The following EPAS1 variants were observed in gnomAD, a reference collection of about 807,000 sequenced individuals.
EPAS1 encodes endothelial PAS domain protein 1.
Under a neutral mutation model 87.9 loss-of-function variants are expected in EPAS1, and 23 were observed. That is an observed-to-expected ratio of 0.26 (90% confidence interval 0.19 to 0.37). EPAS1 has a LOEUF of 0.37. Ranked by LOEUF, EPAS1 falls within the 10% of genes least tolerant of loss-of-function variation. The pLI is 1.00. For missense variants in EPAS1, 1,138 were observed against 1,120.7 expected (o/e 1.02, Z -0.22); for synonymous variants, 508 against 444.3 (o/e 1.14, Z -1.80).
intron 1 of EPAS1, among the ~76,000 whole-genome samples, chr2:46,332,746 G>T (rs1248393789): frequency 6.8e-6 from 1 of 147,292 alleles, no homozygotes; most frequent in Non-Finnish European, 1.5e-5. Context: ...TCACCAGAAG[G>T]GTGGAACCCT....
chr2:46,303,645 C>T (rs868598460), intron 1 of EPAS1, among the ~76,000 whole-genome samples: 13 of 152,222 alleles, frequency 8.5e-5, no homozygotes, highest in Middle Eastern at 3.4e-3. Flanking sequence ...CAGAGGCTGG[C>T]GTGTAAATCT....
chr2:46,336,332 G>A (rs548485684), intron 1 of EPAS1, among the ~76,000 whole-genome samples: 5 of 152,094 alleles, frequency 3.3e-5, no homozygotes, highest in East Asian at 1.9e-4. Context: ...GGAGTAGAAC[G>A]TTTGCATAGA....
At chr2:46,318,908 T>C (rs961622236) in intron 1 of EPAS1, among the ~76,000 whole-genome samples, 1 of 152,256 alleles carries the variant, frequency 6.6e-6, no homozygotes, top group East Asian at 1.9e-4. Flanking sequence ...TACAAAGATT[T>C]AATACATAGT....
intron 1 of EPAS1, among the ~76,000 whole-genome samples, chr2:46,340,526 A>T (rs1463727269): frequency 6.6e-6 from 1 of 152,092 alleles, no homozygotes; most frequent in African/African-American, 2.4e-5. Context: ...CCCCTCTTGT[A>T]GACTTTTGAT....
intron 12 of EPAS1, 113 bp from the exon 13 acceptor site, chr2:46,381,483 T>C: frequency 6.4e-7 from 1 of 1,566,802 alleles, no homozygotes. Flanking sequence ...CTTTTGGGTC[T>C]TTGAGTCATC....
chr2:46,380,406 C>T lies in EPAS1; in HGVS notation c.1734C>T (p.Ala578=), dbSNP rs1558611960. The T allele has an allele frequency of 1.9e-6, 3 of 1,614,176 alleles. No homozygotes were observed. The highest frequency in any genetic ancestry group is 1.7e-5 in the Admixed American group (1 of 60,026). The change falls in exon 12 of 16, where the codon GCC becomes GCT. Residue 578 remains alanine, a synonymous_variant. Coordinates refer to ENST00000263734, the MANE Select transcript of EPAS1 (RefSeq NM_001430.5). The surrounding 1 kb of genome is among the most constrained non-coding windows in gnomAD (Gnocchi z 4.4). Reference sequence around the variant, plus strand: ...TCTTCCAGCCACTGGCCCCTGTAGCCCCGCACAGTCCCTTCCTCCTGGACA... The same window carrying T: ...TCTTCCAGCCACTGGCCCCTGTAGCTCCGCACAGTCCCTTCCTCCTGGACA... ...TNIFQPLAPV[A]PHSPFLLDKF...
At chr2:46,372,160 C>A (rs1315461953) in intron 7 of EPAS1, among the ~76,000 whole-genome samples, 2 of 152,196 alleles carry the variant, frequency 1.3e-5, no homozygotes, top group Non-Finnish European at 2.9e-5. Flanking sequence ...CTCTCTCTCC[C>A]CTTGATGGAG....
At chr2:46,310,136 G>C (rs1261019138) in intron 1 of EPAS1, among the ~76,000 whole-genome samples, 1 of 152,146 alleles carries the variant, frequency 6.6e-6, no homozygotes, top group Non-Finnish European at 1.5e-5. Flanking sequence ...GCATGGAGTG[G>C]GAGCTGGAAG....
intron 1 of EPAS1, among the ~76,000 whole-genome samples, chr2:46,327,474 A>T (rs1311102006): frequency 6.6e-6 from 1 of 152,198 alleles, no homozygotes; most frequent in Non-Finnish European, 1.5e-5. Flanking sequence ...AACCACAGAG[A>T]CTTTAGACAG....
At chr2:46,335,129 T>G (rs1280031856) in intron 1 of EPAS1, among the ~76,000 whole-genome samples, 1 of 152,172 alleles carries the variant, frequency 6.6e-6, no homozygotes, top group Non-Finnish European at 1.5e-5. Context: ...AGGGATCCCG[T>G]GCTTTCTCCC....
chr2:46,368,030 A>G (rs1022421981), intron 6 of EPAS1, among the ~76,000 whole-genome samples: 2 of 152,220 alleles, frequency 1.3e-5, no homozygotes, highest in African/African-American at 2.4e-5. Flanking sequence ...GTCTGTTTGT[A>G]CCGTAGGTTC....
At chr2:46,351,043 C>T (rs1447875469) in intron 2 of EPAS1, among the ~76,000 whole-genome samples, 1 of 152,180 alleles carries the variant, frequency 6.6e-6, no homozygotes, top group Non-Finnish European at 1.5e-5. Flanking sequence ...TACCCTCTCA[C>T]ACCCCACTTT....
intron 7 of EPAS1, among the ~76,000 whole-genome samples, chr2:46,372,445 T>A (rs576182825): frequency 6.6e-6 from 1 of 152,342 alleles, no homozygotes; most frequent in African/African-American, 2.4e-5. Flanking sequence ...CACACATGTA[T>A]GTCTTAGCCT....
At chr2:46,308,463 G>A (rs146424642) in intron 1 of EPAS1, among the ~76,000 whole-genome samples, 5 of 142,534 alleles carry the variant, frequency 3.5e-5, no homozygotes, top group Non-Finnish European at 7.7e-5. Flanking sequence ...TTTTTTTTGG[G>A]GGGGGGGGCT....
rs1215671249 is a variant in EPAS1 at position 46,382,014 on chromosome 2, A to C, written c.2212A>C (p.Lys738Gln). 1 of 1,611,080 alleles carries C rather than the reference A, an allele frequency of 6.2e-7. No homozygotes were observed. Among genetic ancestry groups the C allele is most frequent in the Non-Finnish European group, 8.5e-7 (1 of 1,178,722 alleles). The change falls in exon 14 of 16, where the codon AAA becomes CAA. Residue 738 changes from lysine to glutamine, a missense_variant. Coordinates refer to ENST00000263734, the MANE Select transcript of EPAS1 (RefSeq NM_001430.5). ...PGGSTSHLMW[K>Q]RMKNLRGGSC... ...TGGCAGCACCTCACATTTGATGTGG[A>C]AACGGATGAAGAACCTCAGGGGTGG... is the stretch of plus-strand genomic sequence containing the variant.
In EPAS1 at chr2:46,356,772, C is replaced by T. The variant is rs1285034250; in HGVS notation, c.418C>T (p.His140Tyr). ...SIFDFTHPCD[H>Y]EEIRENLSLK... Reference sequence around the variant, plus strand: ...CTTTGACTTCACTCATCCCTGCGACCATGAGGAGATTCGTGAGAACCTGAG... The same window carrying T: ...CTTTGACTTCACTCATCCCTGCGACTATGAGGAGATTCGTGAGAACCTGAG... The change falls in exon 4 of 16, where the codon CAT becomes TAT. Residue 140 changes from histidine (H) to tyrosine (Y), a missense_variant. By Grantham distance (83) the His-to-Tyr change is moderately conservative. This residue lies in a region of EPAS1 where 351 missense variants were observed against 417.1 expected (regional missense o/e 0.84). Coordinates refer to ENST00000263734, the MANE Select transcript of EPAS1 (RefSeq NM_001430.5). 6.2e-7 allele frequency: 1 copy of T among 1,614,086 alleles called. No homozygotes were observed. Among genetic ancestry groups the T allele is most frequent in the Non-Finnish European group, 8.5e-7 (1 of 1,179,916 alleles).
At chr2:46,384,344 G>T in intron 15 of EPAS1, 165 bp from the exon 16 acceptor site, 1 of 969,980 alleles carries the variant, frequency 1.0e-6, no homozygotes, top group Non-Finnish European at 1.6e-6. Context: ...GGTTCTGGAG[G>T]CAGACACGTT....
At chr2:46,364,392 G>C (rs1452009064) in intron 6 of EPAS1, among the ~76,000 whole-genome samples, 3 of 151,966 alleles carry the variant, frequency 2.0e-5, no homozygotes, top group Non-Finnish European at 4.4e-5. Context: ...AGCAAAAAAA[G>C]AAAAAGGGTC....
chr2:46,326,376 G>C (rs1029324960), intron 1 of EPAS1, among the ~76,000 whole-genome samples: 1 of 152,158 alleles, frequency 6.6e-6, no homozygotes, highest in African/African-American at 2.4e-5. Flanking sequence ...AAGAAAACGG[G>C]GGTAAAAACC....
Sources: gnomAD v4.1 joint callset for allele counts (sites outside exome capture counted in the v4.1 genomes callset) on GRCh38, gnomAD v4.1.1 for gene constraint, gnomAD v4.1.1 regional missense constraint, Gnocchi (gnomAD v3.1) non-coding constraint, MANE v1.5 for transcripts, NCBI Gene and HGNC (gene_info 2026-07-23, HGNC 2026-07-21) for gene names.